The following PHLPP1 variants were observed in gnomAD, a reference collection of about 807,000 sequenced individuals.
The protein encoded by PHLPP1 is PH domain leucine-rich repeat-containing protein phosphatase 1.
PHLPP1 carries 42 observed loss-of-function variants against 117.2 expected under a neutral mutation model. The ratio of observed to expected loss-of-function variants is 0.36; its 90% CI spans 0.28 to 0.46. The LOEUF (loss-of-function observed/expected upper bound fraction) is 0.46, where lower values mean the gene tolerates loss of function less well. PHLPP1 is among the 20% of genes least tolerant of loss of function. PHLPP1 has a pLI of 1.00. For synonymous variants in PHLPP1, 1,042 were observed against 970.7 expected (o/e 1.07, Z -1.37); for missense variants, 2,084 against 2,241.9 (o/e 0.93, Z 1.42).
intron 3 of PHLPP1, among the ~76,000 whole-genome samples, chr18:62,848,375 G>A (rs1915233902): frequency 6.6e-6 from 1 of 151,744 alleles, no homozygotes; most frequent in Admixed American, 6.6e-5. Flanking sequence ...TTACCATTTG[G>A]CAAGCACTGT....
chr18:62,957,770 C>T (rs1485359560), intron 12 of PHLPP1, among the ~76,000 whole-genome samples: 1 of 151,306 alleles, frequency 6.6e-6, no homozygotes, highest in Non-Finnish European at 1.5e-5. Context: ...GGCTGGAGTG[C>T]AATGGTGCGA....
rs549789925 is a variant in PHLPP1, at chr18:62,807,647, G to A, written c.1577-22388G>A. 1.2e-4 allele frequency among the ~76,000 whole-genome samples: 19 copies of A among 152,292 alleles called. No individual in the cohort carries two copies. The South Asian group carries it at 3.7e-3, about 30-fold the overall frequency. On this transcript the variant is annotated intron_variant, in intron 1 of 16. Coordinates refer to ENST00000262719, the MANE Select transcript of PHLPP1 (RefSeq NM_194449.4). ...ACCTCTCTATGCTGTATGGTATATA[G>A]CCTTTTGCTCCTAGGCTATAAACCT... is the stretch of plus-strand genomic sequence containing the variant.
intron 4 of PHLPP1, among the ~76,000 whole-genome samples, chr18:62,868,059 G>A (rs1210095414): frequency 1.3e-5 from 2 of 151,926 alleles, no homozygotes; most frequent in Admixed American, 6.6e-5. Flanking sequence ...ATCCTCCCGC[G>A]TCAGCCTCCC....
chr18:62,754,361 G>C (rs1911946663), intron 1 of PHLPP1, among the ~76,000 whole-genome samples: 1 of 152,212 alleles, frequency 6.6e-6, no homozygotes, highest in Non-Finnish European at 1.5e-5. Context: ...GCACCTGTCT[G>C]CAAGTTGGCC....
chr18:62,763,240 G>C (rs904841524), intron 1 of PHLPP1, among the ~76,000 whole-genome samples: 1 of 152,202 alleles, frequency 6.6e-6, no homozygotes, highest in Non-Finnish European at 1.5e-5. Context: ...CTGTTCTACT[G>C]CTCTTTGAGT....
intron 1 of PHLPP1, among the ~76,000 whole-genome samples, chr18:62,785,961 TC>T (rs1397104310): frequency 6.6e-6 from 1 of 152,182 alleles, no homozygotes; most frequent in Non-Finnish European, 1.5e-5. Flanking sequence ...GATGACTACT[TC>T]CTAAATATAT....
At chr18:62,876,886 T>G (rs73468159) in intron 4 of PHLPP1, among the ~76,000 whole-genome samples, 5,074 of 152,244 alleles carry the variant, frequency 0.033, 304 homozygotes, top group African/African-American at 0.12. Context: ...GAGGAAAGAC[T>G]TGATTTGAGC....
chr18:62,867,124 T>G (rs1915789563), intron 4 of PHLPP1, among the ~76,000 whole-genome samples: 1 of 152,226 alleles, frequency 6.6e-6, no homozygotes, highest in African/African-American at 2.4e-5. Flanking sequence ...CAGTGAAGTT[T>G]ACAATAAGAA....
At chr18:62,745,027 G>A (rs2122078658) in intron 1 of PHLPP1, among the ~76,000 whole-genome samples, 1 of 152,302 alleles carries the variant, frequency 6.6e-6, no homozygotes, top group East Asian at 1.9e-4. Context: ...GGTATAGCTG[G>A]TGTAATTTTG....
At position 62,715,962 on chromosome 18, in the gene PHLPP1, G is replaced by A; in HGVS notation, c.279G>A (p.Arg93=). 8.3e-7 allele frequency: 1 copy of A among 1,211,216 alleles called. No homozygotes were observed. The allele number at this position is 1,211,216 out of a possible 1,614,324, so 75.0% of individuals were successfully genotyped here. A position where few individuals can be genotyped will look rare whatever the true frequency, so the allele number is the denominator to read the frequency against. The change falls in exon 1 of 17, where the codon AGG becomes AGA. Residue 93 remains arginine, a synonymous_variant. Transcript: ENST00000262719. ...GCAGAGCGGGGGGTGCCGGGCGCAG[G>A]AGGCGGCGCGGGGCGCCCCAGCCCA... ...LPGRAGGAGR[R]RRRGAPQPIA... is the part of the protein sequence containing the mutation.
At position 62,716,530 on chromosome 18, in the gene PHLPP1, C is replaced by G; in HGVS notation, c.847C>G (p.Pro283Ala). Residue 283 changes from proline to alanine, a missense_variant, in exon 1 of 17, where the codon CCC (proline) becomes GCC (alanine). Pro to Ala is a conservative substitution (Grantham distance 27). Around this residue, in one of 2 missense-constraint regions of PHLPP1, gnomAD observed 719 missense variants for 636.0 expected, o/e 1.13. Transcript: ENST00000262719. The surrounding 1 kb of genome is among the most constrained non-coding windows in gnomAD (Gnocchi z 5.7). ...GGAGCCGCGGGACTCGGAGGTACCG[C>G]CCGCGAGGAGCGCGCCGGGTGCCTT... is the stretch of plus-strand genomic sequence containing the variant. ...PPEPRDSEVP[P>A]ARSAPGAFGG... 2 of 1,183,552 alleles carry G rather than the reference C, an allele frequency of 1.7e-6. No individual in the cohort carries two copies. The highest frequency in any genetic ancestry group is 3.4e-4 in the Middle Eastern group (1 of 2,954). The allele number at this position is 1,183,552 out of a possible 1,614,324, so 73.3% of individuals were successfully genotyped here. A position where few individuals can be genotyped will look rare whatever the true frequency, so the allele number is the denominator to read the frequency against.
rs1470571769 is a variant in PHLPP1, at chr18:62,857,424, A to G, written c.1900-3011A>G. Among the ~76,000 whole-genome samples, 3 of 152,194 alleles carry G rather than the reference A, an allele frequency of 2.0e-5. No homozygotes were observed. The East Asian group carries it at 5.8e-4, about 29-fold the overall frequency. ...TCTCTTTCTTTCCTGGTTTCAGAAT[A>G]TGTAAATCCCAGAGAAGTCCTCTGA... On this transcript the variant is annotated intron_variant, in intron 3 of 16. Transcript: ENST00000262719.
At chr18:62,757,404 A>G (rs1410199233) in intron 1 of PHLPP1, among the ~76,000 whole-genome samples, 2 of 152,210 alleles carry the variant, frequency 1.3e-5, no homozygotes, top group African/African-American at 4.8e-5. Context: ...TGTTTCAAAT[A>G]AGGCTTGGAG....
intron 10 of PHLPP1, among the ~76,000 whole-genome samples, chr18:62,923,514 G>C (rs1158168618): frequency 1.3e-5 from 2 of 151,984 alleles, no homozygotes; most frequent in Non-Finnish European, 2.9e-5. Flanking sequence ...TGAAGGGGGT[G>C]GGATAAATTT....
chr18:62,769,952 C>T (rs2144264376), intron 1 of PHLPP1, among the ~76,000 whole-genome samples: 1 of 152,274 alleles, frequency 6.6e-6, no homozygotes, highest in East Asian at 1.9e-4. Context: ...TCTTGGACAA[C>T]TCATAGTTCT....
chr18:62,784,769 A>G (rs930724866), intron 1 of PHLPP1, among the ~76,000 whole-genome samples: 9 of 152,234 alleles, frequency 5.9e-5, no homozygotes, highest in African/African-American at 2.2e-4. Flanking sequence ...ACTTAAATCA[A>G]CAGAAGATTA....
chr18:62,946,772 G>C (rs1910299477), intron 12 of PHLPP1, among the ~76,000 whole-genome samples: 1 of 152,152 alleles, frequency 6.6e-6, no homozygotes, highest in Non-Finnish European at 1.5e-5. Flanking sequence ...TCCAGAATTT[G>C]GCTGGGCGCG....
At chr18:62,747,060 C>T (rs1173709310) in intron 1 of PHLPP1, among the ~76,000 whole-genome samples, 1 of 152,040 alleles carries the variant, frequency 6.6e-6, no homozygotes, top group Non-Finnish European at 1.5e-5. Context: ...TTAGTTCCTT[C>T]TCTTTACTGT....
intron 1 of PHLPP1, among the ~76,000 whole-genome samples, chr18:62,718,318 T>A (rs1263914257): frequency 6.6e-6 from 1 of 152,250 alleles, no homozygotes; most frequent in Non-Finnish European, 1.5e-5. Flanking sequence ...TAGGTGATGG[T>A]GGAAAATAAT....
Sources: allele counts gnomAD v4.1 joint callset (sites outside exome capture counted in the v4.1 genomes callset), GRCh38; gene constraint gnomAD v4.1.1; regional missense constraint gnomAD v4.1.1; non-coding constraint Gnocchi (gnomAD v3.1); transcripts MANE v1.5; gene names NCBI Gene and HGNC (gene_info 2026-07-23, HGNC 2026-07-21).